SNX7: variants seen among roughly 807,000 people sequenced by gnomAD.
The protein encoded by SNX7 is sorting nexin 7.
In SNX7, 35 loss-of-function variants were observed where a neutral mutation model predicts 48.4. That is an observed-to-expected ratio of 0.72 (90% CI 0.55 to 0.96). The LOEUF (loss-of-function observed/expected upper bound fraction) is 0.96. Ranked by LOEUF, SNX7 falls within the 40% of genes least tolerant of loss-of-function variation. SNX7 has a pLI of 0.00. For synonymous variants in SNX7, 190 were observed against 190.2 expected, an observed-to-expected ratio of 1.00 and a Z score of 0.01; for missense variants, 553 against 548.9, an observed-to-expected ratio of 1.01 and a Z score of -0.07.
intron 1 of SNX7, among the ~76,000 whole-genome samples, chr1:98,674,798 T>C (rs1008803824): frequency 6.6e-5 from 10 of 152,202 alleles, no homozygotes; most frequent in African/African-American, 2.4e-4. Context: ...ACAGTGGATG[T>C]ATTGTTTTGG....
chr1:98,682,079 CCTTTTTTT>C, intron 1 of SNX7, among the ~76,000 whole-genome samples: 1 of 81,522 alleles, frequency 1.2e-5, no homozygotes, highest in East Asian at 3.1e-4. Flanking sequence ...TTCTTTTCTT[CCTTTTTTT>C]GTCCTTCTTT....
chr1:98,695,713 A>G lies in SNX7; in HGVS notation c.835A>G (p.Arg279Gly), dbSNP rs1310681264. Residue 279 changes from arginine to glycine, a missense_variant, in exon 5 of 9, where the codon AGG becomes GGG. Arg to Gly is a moderately radical substitution (Grantham distance 125, BLOSUM62 -2). Transcript: ENST00000306121. Reference sequence around the variant, plus strand: ...ATCTCAGAGAATTTATAAGGAAGAAAGGGGTAAGTAGAATTACTGAAATGT... The same window carrying G: ...ATCTCAGAGAATTTATAAGGAAGAAGGGGGTAAGTAGAATTACTGAAATGT... The part of the protein sequence containing the change: ...KISQRIYKEE[R>G]EYFDEMKEYG... 7 of 1,539,154 alleles carry G rather than the reference A, an allele frequency of 4.5e-6. No individual in the cohort carries two copies. The Admixed American group carries it at 1.0e-4, about 22-fold the overall frequency.
chr1:98,663,605 C>T (rs994959544), intron 1 of SNX7, among the ~76,000 whole-genome samples: 2 of 151,920 alleles, frequency 1.3e-5, no homozygotes, highest in African/African-American at 2.4e-5. Flanking sequence ...TGACAGGTCC[C>T]GACCAGAAGC....
chr1:98,669,389 C>G (rs1376995490), intron 1 of SNX7, among the ~76,000 whole-genome samples: 1 of 152,172 alleles, frequency 6.6e-6, no homozygotes, highest in Non-Finnish European at 1.5e-5. Context: ...TATTCTGCCC[C>G]CATTCTATGT....
At chr1:98,682,948 G>A (rs1650580896) in intron 1 of SNX7, among the ~76,000 whole-genome samples, 1 of 152,106 alleles carries the variant, frequency 6.6e-6, no homozygotes, top group African/African-American at 2.4e-5. Flanking sequence ...TAGTAGGACA[G>A]TTCTTGAGCT....
intron 7 of SNX7, among the ~76,000 whole-genome samples, chr1:98,734,768 A>G (rs918933999): frequency 2.6e-5 from 4 of 152,170 alleles, no homozygotes; most frequent in African/African-American, 9.7e-5. Flanking sequence ...GAAATTACCC[A>G]TTAGTCTTAC....
rs537455577 is a variant in SNX7 at position 98,663,786 on chromosome 1, C to T, written c.180+1875C>T. Among the ~76,000 whole-genome samples, 6 of 152,168 alleles carry T rather than the reference C, an allele frequency of 3.9e-5. No individual in the cohort carries two copies. The South Asian group carries it at 1.0e-3, about 26-fold the overall frequency. On this transcript the variant is annotated intron_variant, in intron 1 of 8. Transcript: ENST00000306121. The stretch of plus-strand genomic sequence containing the variant: ...GGGGACCTTCCAAACTCTAAAAGCC[C>T]GTACACCTGGGTCCACCCTGCTTGT...
intron 1 of SNX7, among the ~76,000 whole-genome samples, chr1:98,671,128 G>A (rs1374719623): frequency 6.6e-6 from 1 of 152,186 alleles, no homozygotes; most frequent in Non-Finnish European, 1.5e-5. Flanking sequence ...TGTGGTTACA[G>A]TGTTAAAAAT....
At chr1:98,742,115 T>C (rs566986605) in intron 8 of SNX7, among the ~76,000 whole-genome samples, 1 of 152,254 alleles carries the variant, frequency 6.6e-6, no homozygotes, top group East Asian at 1.9e-4. Flanking sequence ...ACCTTTGTTA[T>C]TAAGGAGGTG....
intron 7 of SNX7, among the ~76,000 whole-genome samples, chr1:98,734,458 C>T (rs1337602836): frequency 1.3e-5 from 2 of 152,118 alleles, no homozygotes; most frequent in African/African-American, 2.4e-5. Context: ...TGGCAGACAT[C>T]GGTTTGAATC....
intron 7 of SNX7, among the ~76,000 whole-genome samples, chr1:98,707,601 C>G (rs991984598): frequency 1.3e-5 from 2 of 152,138 alleles, no homozygotes; most frequent in Non-Finnish European, 2.9e-5. Flanking sequence ...TACTGCATAT[C>G]TATTTTATTT....
chr1:98,671,084 G>A (rs951086209), intron 1 of SNX7, among the ~76,000 whole-genome samples: 1 of 152,186 alleles, frequency 6.6e-6, no homozygotes, highest in Non-Finnish European at 1.5e-5. Flanking sequence ...CAAGTAGCTA[G>A]TGTGATCAAA....
At chr1:98,691,288 T>A in intron 3 of SNX7, 103 bp downstream of exon 3, 3 of 636,014 alleles carry the variant, frequency 4.7e-6, no homozygotes, top group Non-Finnish European at 2.6e-6. Flanking sequence ...TCACTGTAAT[T>A]CATTTATCTT....
At chr1:98,744,897 G>T (rs1394274331) in intron 8 of SNX7, among the ~76,000 whole-genome samples, 1 of 151,994 alleles carries the variant, frequency 6.6e-6, no homozygotes, top group Non-Finnish European at 1.5e-5. Context: ...CTCATAGAAG[G>T]AAGACTGACA....
At chr1:98,691,502 A>G in intron 3 of SNX7, 33 bp from the exon 4 acceptor site, 1 of 1,529,098 alleles carries the variant, frequency 6.5e-7, no homozygotes, top group Non-Finnish European at 8.8e-7. Flanking sequence ...GGCTAATAAT[A>G]CTTGAATACC....
At chr1:98,704,001 T>C (rs1651889152) in intron 7 of SNX7, among the ~76,000 whole-genome samples, 1 of 152,066 alleles carries the variant, frequency 6.6e-6, no homozygotes, top group Non-Finnish European at 1.5e-5. Context: ...TAATCGGGAT[T>C]GTTCCAAACA....
chr1:98,681,837 A>G (rs1650506207), intron 1 of SNX7, among the ~76,000 whole-genome samples: 1 of 152,180 alleles, frequency 6.6e-6, no homozygotes, highest in African/African-American at 2.4e-5. Flanking sequence ...AAATACCTGG[A>G]TCGGTACTAT....
At chr1:98,690,876 C>T (rs550311152) in intron 2 of SNX7, among the ~76,000 whole-genome samples, 199 bp from the exon 3 acceptor site, 3 of 151,924 alleles carry the variant, frequency 2.0e-5, no homozygotes, top group South Asian at 4.2e-4. Context: ...TCTGGAAATA[C>T]CAGAAAGTTT....
intron 1 of SNX7, among the ~76,000 whole-genome samples, chr1:98,677,879 A>G (rs1346156623): frequency 0.037 from 195 of 5,226 alleles, 1 homozygote; most frequent in Admixed American, 0.044. Context: ...CGCTGTCTCA[A>G]AAAAAAAAAA....
Sources: gnomAD v4.1 joint callset for allele counts (sites outside exome capture counted in the v4.1 genomes callset) on GRCh38, gnomAD v4.1.1 for gene constraint, MANE v1.5 for transcripts, NCBI Gene and HGNC (gene_info 2026-07-23, HGNC 2026-07-21) for gene names.